The following SRA1 variants were observed in gnomAD, a reference collection of about 807,000 sequenced individuals.
The protein encoded by SRA1 is steroid receptor RNA activator 1, also known as lncRNA SRA.
SRA1 carries 25 observed loss-of-function variants against 24.3 expected under a neutral mutation model. The ratio of observed to expected loss-of-function variants is 1.03; its 90% CI spans 0.75 to 1.43. The LOEUF (loss-of-function observed/expected upper bound fraction) is 1.43. SRA1 is among the 40% of genes most tolerant of loss of function. The probability of loss-of-function intolerance (pLI) is 0.00; values close to 1 mark genes in which losing one functional copy is unlikely to be tolerated. For missense variants in SRA1, 303 were observed against 286.6 expected, an observed-to-expected ratio of 1.06 and a Z score of -0.41; for synonymous variants, 104 against 109.5, an observed-to-expected ratio of 0.95 and a Z score of 0.31.
chr5:140,556,488 A>T (rs886507107), intron 2 of SRA1, among the ~76,000 whole-genome samples: 1 of 152,142 alleles, frequency 6.6e-6, no homozygotes, highest in Non-Finnish European at 1.5e-5. Flanking sequence ...TTCCTTTTGC[A>T]GCTGTTTCTT....
intron 2 of SRA1, among the ~76,000 whole-genome samples, chr5:140,554,784 C>T (rs1754647440): frequency 6.6e-6 from 1 of 152,164 alleles, no homozygotes; most frequent in African/African-American, 2.4e-5. Context: ...TTTTCACATT[C>T]TCTCCTCAGC....
chr5:140,557,095 ACCCCCC>A, intron 2 of SRA1, 46 bp downstream of exon 2: 8 of 836,636 alleles, frequency 9.6e-6, no homozygotes, highest in Non-Finnish European at 1.4e-5. Flanking sequence ...TATGCCTTAC[ACCCCCC>A]CCCCCCCATT....
chr5:140,557,258 C>A lies in SRA1; in HGVS notation c.40G>T (p.Gly14Cys). 4 of 1,612,066 alleles carry A rather than the reference C, an allele frequency of 2.5e-6. No homozygotes were observed. The highest frequency in any genetic ancestry group is 3.4e-6 in the Non-Finnish European group (4 of 1,179,958). The change falls in exon 2 of 5, where the codon GGC (glycine) becomes TGC (cysteine). Residue 14 changes from glycine to cysteine, a missense_variant. Physicochemically the swap from Gly to Cys is radical, Grantham distance 159 (BLOSUM62 -3). Transcript: ENST00000336283. ...LYVKPGNKER[G>C]WNDPPQFSYG... ...GAGAACTGCGGCGGGTCGTTCCAGC[C>A]GCGTTCCTTGTTGCCTGCGGAGGCG...
In SRA1 at chr5:140,552,135, A is replaced by G; in HGVS notation, c.201T>C (p.Pro67=). The change falls in exon 3 of 5, where the codon CCT becomes CCC. Residue 67 remains proline (P), a synonymous_variant. Coordinates refer to ENST00000336283, the MANE Select transcript of SRA1 (RefSeq NM_001035235.4). ...SPGPPPMGPP[P]PSSKAPRSPP... The stretch of plus-strand genomic sequence containing the variant: ...GGGACCTGGGAGCCTTACTTGAAGG[A>G]GGTGGAGGCCCCATTGGGGGAGGCC... 1 of 1,611,986 alleles carries G rather than the reference A, an allele frequency of 6.2e-7. No homozygotes were observed. The highest frequency in any genetic ancestry group is 8.5e-7 in the Non-Finnish European group (1 of 1,179,056).
chr5:140,557,453 C>T lies in SRA1; in HGVS notation c.-1G>A. On this transcript the variant is annotated 5_prime_UTR_variant, in exon 1 of 5. Coordinates refer to ENST00000336283, the MANE Select transcript of SRA1 (RefSeq NM_001035235.4). ...CCGGCTTCACGTACAGCTCCGCCAT[C>T]TCCACTTCCGCTTGGCCAGCGGGGC... 1 of 1,560,078 alleles carries T rather than the reference C, an allele frequency of 6.4e-7. No individual in the cohort carries two copies. The highest frequency in any genetic ancestry group is 8.7e-7 in the Non-Finnish European group (1 of 1,153,632).
Position 140,551,092 on chromosome 5 carries a change from A to G in SRA1, c.432T>C (p.Pro144=), listed in dbSNP as rs1581396235. The G allele has an allele frequency of 6.2e-7, 1 of 1,614,112 alleles. No individual in the cohort carries two copies. The highest frequency in any genetic ancestry group is 8.5e-7 in the Non-Finnish European group (1 of 1,179,984). The change falls in exon 4 of 5, where the codon CCT becomes CCC. Residue 144 remains proline (P), a synonymous_variant. Transcript: ENST00000336283. ...EQWAGGKLSI[P]VKKRMALLVQ... is the part of the protein sequence containing the mutation. ...CCAGTAGAGCCATTCTCTTCTTTACAGGTATTGACAACTTTCCTCCAGCCC... is the reference window on the plus strand; with the variant it reads ...CCAGTAGAGCCATTCTCTTCTTTACGGGTATTGACAACTTTCCTCCAGCCC...
Position 140,550,562 on chromosome 5 carries a change from T to C in SRA1, c.*138A>G. ...TTATGAGTAACACATGAACTCCCTC[T>C]GGCCCAGGTGGGACTTCTTCCCTCA... On this transcript the variant is annotated 3_prime_UTR_variant, in exon 5 of 5. Coordinates refer to ENST00000336283, the MANE Select transcript of SRA1 (RefSeq NM_001035235.4). 1 of 749,856 alleles carries C rather than the reference T, an allele frequency of 1.3e-6. No homozygotes were observed. 46.5% of individuals were successfully genotyped at this position (749,856 alleles called of 1,614,324 possible). A position where few individuals can be genotyped will look rare whatever the true frequency, so the allele number is the denominator to read the frequency against.
In SRA1 at chr5:140,557,029, A is replaced by G. The variant is rs920542716; in HGVS notation, c.151+118T>C. ...GCTCTGAGACCCTTACTGGAGCCCC[A>G]AAACTTCTCTCCTTAAGGAGCCCTC... On this transcript the variant is annotated intron_variant, in intron 2 of 4. Coordinates refer to ENST00000336283, the MANE Select transcript of SRA1 (RefSeq NM_001035235.4). 7.3e-6 allele frequency: 7 copies of G among 960,928 alleles called. No individual in the cohort carries two copies. The African/African-American group carries it at 1.1e-4, about 16-fold the overall frequency. 59.5% of individuals were successfully genotyped at this position (960,928 alleles called of 1,614,324 possible). A position where few individuals can be genotyped will look rare whatever the true frequency, so the allele number is the denominator to read the frequency against.
Position 140,552,043 on chromosome 5 carries a change from A to AGTT in SRA1, c.292_293insAAC (p.Val98delinsGluLeu), listed in dbSNP as rs3085220. The AGTT allele has an allele frequency of 6.2e-6, 10 of 1,612,894 alleles. No individual in the cohort carries two copies. The highest frequency in any genetic ancestry group is 4.0e-5 in the African/African-American group (3 of 74,800). On this transcript the variant is annotated protein_altering_variant, in exon 3 of 5. Transcript: ENST00000336283. ...CAAAGGTCTCAGCACATCCTCCATCACAGCCTCAGACTCGACTGGGAAACT... is the reference window on the plus strand; with the variant it reads ...CAAAGGTCTCAGCACATCCTCCATCAGTTCAGCCTCAGACTCGACTGGGAAACT...
At chr5:140,557,680 T>C (rs545476475), upstream of SRA1, 20 of 599,548 alleles carry the variant, frequency 3.3e-5, no homozygotes, top group East Asian at 5.8e-4. Context: ...CCAAAGGAGG[T>C]TGCTGTCCAG....
Position 140,550,543 on chromosome 5 carries a change from G to T in SRA1, c.*157C>A. 1 of 683,734 alleles carries T rather than the reference G, an allele frequency of 1.5e-6. No individual in the cohort carries two copies. The highest frequency in any genetic ancestry group is 1.8e-5 in the South Asian group (1 of 56,124). The allele number at this position is 683,734 out of a possible 1,614,324, so 42.4% of individuals were successfully genotyped here. ...GTTTTTATTGAAATGCATGTTATGA[G>T]TAACACATGAACTCCCTCTGGCCCA... On this transcript the variant is annotated 3_prime_UTR_variant, in exon 5 of 5. Coordinates refer to ENST00000336283, the MANE Select transcript of SRA1 (RefSeq NM_001035235.4).
At chr5:140,557,496 G>A (rs1266718370), upstream of SRA1, 12 of 1,542,644 alleles carry the variant, frequency 7.8e-6, no homozygotes, top group African/African-American at 9.6e-5. Flanking sequence ...CATTTCCGGG[G>A]CGGCCCCTCA....
chr5:140,557,534 C>T (rs992023951), upstream of SRA1: 1 of 1,480,062 alleles, frequency 6.8e-7, no homozygotes, highest in Non-Finnish European at 9.0e-7. Flanking sequence ...ACGTCCAGGG[C>T]CAGGCGGGTT....
chr5:140,557,088 G>A, intron 2 of SRA1, 59 bp downstream of exon 2: 2 of 1,413,492 alleles, frequency 1.4e-6, no homozygotes, highest in Non-Finnish European at 9.5e-7. Context: ...ACAGGCTTAT[G>A]CCTTACACCC....
intron 2 of SRA1, among the ~76,000 whole-genome samples, chr5:140,556,105 T>G (rs1162331439): frequency 1.3e-5 from 2 of 152,208 alleles, no homozygotes; most frequent in Admixed American, 1.3e-4. Flanking sequence ...ATCTTTTGGG[T>G]AGAAGTCAGA....
rs1342297316 is a variant in SRA1 at position 140,557,424 on chromosome 5, T to C, written c.25+4A>G. 1.9e-6 allele frequency: 3 copies of C among 1,571,916 alleles called. No individual in the cohort carries two copies. The highest frequency in any genetic ancestry group is 2.6e-6 in the Non-Finnish European group (3 of 1,160,684). On this transcript the variant is annotated splice_donor_region_variant and intron_variant, in intron 1 of 4. Transcript: ENST00000336283. ...TAGTGCCCTAGCCCGCCGGCTGCGC[T>C]CACCCGGCTTCACGTACAGCTCCGC...
upstream of SRA1, chr5:140,557,630 G>C (rs139343574): frequency 9.8e-4 from 674 of 690,714 alleles, 1 homozygote; most frequent in African/African-American, 0.01. Flanking sequence ...AGACTCGAAG[G>C]CTCCATCTAA....
At chr5:140,556,426 T>C (rs1044420135) in intron 2 of SRA1, among the ~76,000 whole-genome samples, 4 of 152,182 alleles carry the variant, frequency 2.6e-5, no homozygotes, top group African/African-American at 9.7e-5. Flanking sequence ...AAGCCCACTA[T>C]GCTGTAGCCA....
rs58321242 is a variant in SRA1, at chr5:140,557,095, ACC to A, written c.151+50_151+51del. On this transcript the variant is annotated intron_variant, in intron 2 of 4. Coordinates refer to ENST00000336283, the MANE Select transcript of SRA1 (RefSeq NM_001035235.4). ...CCTTCCAAACAGGCTTATGCCTTAC[ACC>A]CCCCCCCCCCCATTCTCCGTCTGTC... 0.45 allele frequency: 368,871 copies of A among 828,398 alleles called. 33,214 individuals carry two copies. The highest frequency in any genetic ancestry group is 0.46 in the Non-Finnish European group (255,888 of 555,798). The allele number at this position is 828,398 out of a possible 1,614,324, so 51.3% of individuals were successfully genotyped here.
Sources: gnomAD v4.1 joint callset for allele counts (sites outside exome capture counted in the v4.1 genomes callset) on GRCh38, gnomAD v4.1.1 for gene constraint, MANE v1.5 for transcripts, NCBI Gene and HGNC (gene_info 2026-07-23, HGNC 2026-07-21) for gene names.